Variants in MORC1 observed in about 807,000 individuals in gnomAD.
MORC1 encodes the protein MORC family CW-type zinc finger protein 1.
Under a neutral mutation model 134.9 loss-of-function variants are expected in MORC1, and 59 were observed. The observed-to-expected ratio is 0.44, with a 90% CI of 0.35 to 0.54. MORC1 has a LOEUF of 0.54. MORC1 is among the 20% of genes least tolerant of loss of function. The probability of loss-of-function intolerance (pLI) is 0.00; values close to 1 mark genes in which losing one functional copy is unlikely to be tolerated. For synonymous variants in MORC1, 395 were observed against 391.7 expected, an observed-to-expected ratio of 1.01 and a Z score of -0.10; for missense variants, 947 against 1,134.5, an observed-to-expected ratio of 0.83 and a Z score of 2.37.
intron 12 of MORC1, among the ~76,000 whole-genome samples, chr3:109,059,574 G>C (rs969870798): frequency 3.3e-5 from 5 of 151,284 alleles, no homozygotes; most frequent in East Asian, 1.9e-4. Flanking sequence ...CTTTTTTTTT[G>C]GAAGTTTTAA....
In MORC1 at chr3:108,986,278, T is replaced by C. The variant is rs1947891136; in HGVS notation, c.2257+602A>G. Among the ~76,000 whole-genome samples, 2 of 152,162 alleles carry C rather than the reference T, an allele frequency of 1.3e-5. 1 individual carries two copies. Among genetic ancestry groups the C allele is most frequent in the South Asian group, 4.1e-4 (2 of 4,830 alleles). On this transcript the variant is annotated intron_variant, in intron 22 of 27. Coordinates refer to ENST00000232603, the MANE Select transcript of MORC1 (RefSeq NM_014429.4). ...AAATTACAGTAATAATAATGAGCACTAAGAAAATAAAATATTTTGAATCCA... is the reference window on the plus strand; with the variant it reads ...AAATTACAGTAATAATAATGAGCACCAAGAAAATAAAATATTTTGAATCCA...
intron 21 of MORC1, among the ~76,000 whole-genome samples, chr3:108,988,170 T>C (rs1226738188): frequency 6.6e-6 from 1 of 152,164 alleles, no homozygotes; most frequent in Non-Finnish European, 1.5e-5. Context: ...CTGGAAACTG[T>C]GCTCTCTCAG....
chr3:109,015,489 T>C (rs766124911), intron 17 of MORC1, among the ~76,000 whole-genome samples: 1 of 152,216 alleles, frequency 6.6e-6, no homozygotes, highest in African/African-American at 2.4e-5. Context: ...TTCTATCACA[T>C]GCTACTTTCA....
chr3:108,992,290 G>C (rs1948085940), intron 21 of MORC1, among the ~76,000 whole-genome samples: 1 of 152,070 alleles, frequency 6.6e-6, no homozygotes, highest in Non-Finnish European at 1.5e-5. Context: ...TGTTCTACCT[G>C]GAATGGCTTC....
chr3:108,958,527 A>C lies in MORC1; in HGVS notation c.*438T>G, dbSNP rs940992662. ...GTTGGCTATAGTGGAGAAAGGGCAT[A>C]ATGTCTTTCTTTTTCAATATCTTCA... is the stretch of plus-strand genomic sequence containing the variant. On this transcript the variant is annotated 3_prime_UTR_variant, in exon 28 of 28. Transcript: ENST00000232603. The C allele has an allele frequency of 1.3e-5, 2 of 152,112 alleles. No homozygotes were observed. Among genetic ancestry groups the C allele is most frequent in the African/African-American group, 4.8e-5 (2 of 41,424 alleles). The allele number at this position is 152,112 out of a possible 1,614,324, so 9.4% of individuals were successfully genotyped here.
chr3:109,112,885 C>T (rs1013433251), intron 2 of MORC1, among the ~76,000 whole-genome samples: 9 of 152,218 alleles, frequency 5.9e-5, no homozygotes, highest in African/African-American at 1.9e-4. Context: ...ATTAGTTTAT[C>T]GATCACATTT....
At chr3:109,088,843 A>C (rs1233622155) in intron 8 of MORC1, among the ~76,000 whole-genome samples, 1 of 152,180 alleles carries the variant, frequency 6.6e-6, no homozygotes, top group Non-Finnish European at 1.5e-5. Flanking sequence ...AGATTGGATA[A>C]AGAAAATGTG....
Position 109,095,894 on chromosome 3 carries a change from TCA to T in MORC1, c.424-828_424-827del, listed in dbSNP as rs1302231769. On this transcript the variant is annotated intron_variant, in intron 6 of 27. Coordinates refer to ENST00000232603, the MANE Select transcript of MORC1 (RefSeq NM_014429.4). ...GACAATCATAGCAGCCAGGCCCCACTCACAGTCTCAGAGCTTGCACTCGTCAT... is the reference window on the plus strand; with the variant it reads ...GACAATCATAGCAGCCAGGCCCCACTCAGTCTCAGAGCTTGCACTCGTCAT... 2.6e-5 allele frequency among the ~76,000 whole-genome samples: 4 copies of T among 152,118 alleles called. No individual in the cohort carries two copies. The East Asian group carries it at 7.7e-4, about 29-fold the overall frequency.
intron 9 of MORC1, among the ~76,000 whole-genome samples, chr3:109,064,300 T>C (rs957268704): frequency 6.6e-6 from 1 of 152,162 alleles, no homozygotes; most frequent in African/African-American, 2.4e-5. Flanking sequence ...TTCCCCCATA[T>C]CTAATTCTGT....
intron 14 of MORC1, among the ~76,000 whole-genome samples, chr3:109,050,013 T>TG (rs10715016): frequency 6.7e-4 from 102 of 152,008 alleles, no homozygotes; most frequent in Non-Finnish European, 1.2e-3. Flanking sequence ...TTCAAATACC[T>TG]GGGGGGGCTG....
chr3:109,091,032 G>A (rs182099040), intron 8 of MORC1, among the ~76,000 whole-genome samples: 23 of 152,172 alleles, frequency 1.5e-4, no homozygotes, highest in African/African-American at 5.5e-4. Flanking sequence ...AAGAATTTAT[G>A]TCTTTTCTAG....
intron 2 of MORC1, 128 bp from the exon 3 acceptor site, chr3:109,110,911 G>C: frequency 1.6e-6 from 1 of 619,642 alleles, no homozygotes; most frequent in Non-Finnish European, 2.7e-6. Flanking sequence ...TTTCTAAAAC[G>C]TTTCACCGTG....
chr3:108,959,254 T>G (rs896567931), intron 27 of MORC1, 134 bp from the exon 28 acceptor site: 1 of 656,296 alleles, frequency 1.5e-6, no homozygotes, highest in Admixed American at 4.0e-5. Context: ...AATCATGCTT[T>G]TAACCTTTCA....
intron 8 of MORC1, among the ~76,000 whole-genome samples, chr3:109,090,535 A>G (rs6764851): frequency 0.79 from 117,183 of 149,268 alleles, 46,878 homozygotes; most frequent in East Asian, 0.93. Flanking sequence ...TGGGAGAATC[A>G]TTTGAACCCA....
At chr3:109,092,879 T>A (rs1950758691) in intron 8 of MORC1, among the ~76,000 whole-genome samples, 1 of 152,204 alleles carries the variant, frequency 6.6e-6, no homozygotes, top group South Asian at 2.1e-4. Flanking sequence ...GTAACACTGT[T>A]ATTTTAGAGA....
intron 8 of MORC1, among the ~76,000 whole-genome samples, chr3:109,086,743 C>T (rs1950622778): frequency 6.6e-6 from 1 of 152,000 alleles, no homozygotes; most frequent in African/African-American, 2.4e-5. Flanking sequence ...TGGACCATCC[C>T]TTATCTGAAA....
At chr3:109,032,595 G>T in intron 16 of MORC1, 125 bp downstream of exon 16, 1 of 649,938 alleles carries the variant, frequency 1.5e-6, no homozygotes, top group South Asian at 2.2e-5. Flanking sequence ...GCATTAGAAA[G>T]AGTTTGAAGA....
intron 2 of MORC1, among the ~76,000 whole-genome samples, chr3:109,111,247 T>C (rs140794227): frequency 6.6e-5 from 10 of 152,172 alleles, no homozygotes; most frequent in East Asian, 3.9e-4. Context: ...TTGTTAGAGG[T>C]TGGAAAACTA....
intron 21 of MORC1, among the ~76,000 whole-genome samples, chr3:108,994,311 C>T (rs80194957): frequency 1.3e-5 from 2 of 152,078 alleles, no homozygotes; most frequent in Admixed American, 6.5e-5. Context: ...GAAAATGAAA[C>T]ACATCCCTCT....
Sources: allele counts gnomAD v4.1 joint callset (sites outside exome capture counted in the v4.1 genomes callset), GRCh38; gene constraint gnomAD v4.1.1; transcripts MANE v1.5; gene names NCBI Gene and HGNC (gene_info 2026-07-23, HGNC 2026-07-21).